The following TRIM22 variants were observed in gnomAD, a reference collection of about 807,000 sequenced individuals.
TRIM22 encodes tripartite motif containing 22, also known as E3 ubiquitin-protein ligase TRIM22.
TRIM22 carries 45 observed loss-of-function variants against 53.6 expected under a neutral mutation model. The observed-to-expected ratio is 0.84, with a 90% confidence interval of 0.66 to 1.08. TRIM22 has a LOEUF of 1.08. Ranked by LOEUF, TRIM22 falls within the 50% of genes least tolerant of loss-of-function variation. The probability of loss-of-function intolerance (pLI) is 0.00; values close to 1 mark genes in which losing one functional copy is unlikely to be tolerated. For synonymous variants in TRIM22, 225 were observed against 216.6 expected (o/e 1.04, Z -0.34); for missense variants, 616 against 590.9 (o/e 1.04, Z -0.44).
Position 5,699,394 on chromosome 11 carries a change from G to A in TRIM22, c.750+849G>A, listed in dbSNP as rs573454758. Among the ~76,000 whole-genome samples the A allele has an allele frequency of 8.4e-5, 12 of 143,470 alleles. 1 individual carries two copies. In the South Asian group the frequency reaches 2.4e-3, roughly 29 times the overall value. 94.1% of individuals were successfully genotyped at this position (143,470 alleles called of 152,430 possible). ...AAAAAATTAGCCGGGCGCGGTGGCGGGCGCCTGTAGTCCCAGCTACTCGGG... is the reference window on the plus strand; with the variant it reads ...AAAAAATTAGCCGGGCGCGGTGGCGAGCGCCTGTAGTCCCAGCTACTCGGG... On this transcript the variant is annotated intron_variant, in intron 4 of 7. Coordinates refer to ENST00000379965, the MANE Select transcript of TRIM22 (RefSeq NM_006074.5).
At chr11:5,700,847 C>T (rs984655378) in intron 4 of TRIM22, among the ~76,000 whole-genome samples, 5 of 151,870 alleles carry the variant, frequency 3.3e-5, no homozygotes, top group African/African-American at 1.2e-4. Context: ...TGGTTTTGAA[C>T]TCCTGACCTC....
chr11:5,708,338 G>A (rs1197089302), intron 6 of TRIM22, 65 bp downstream of exon 6: 29 of 1,488,858 alleles, frequency 1.9e-5, no homozygotes, highest in Middle Eastern at 1.7e-4. Flanking sequence ...ATAGGGAAGC[G>A]GGAGGTTTTT....
At chr11:5,701,708 C>T (rs1359566789) in intron 4 of TRIM22, among the ~76,000 whole-genome samples, 1 of 152,056 alleles carries the variant, frequency 6.6e-6, no homozygotes, top group Non-Finnish European at 1.5e-5. Flanking sequence ...AAGCTCAGAG[C>T]CCAAAATCAA....
intron 1 of TRIM22, among the ~76,000 whole-genome samples, chr11:5,693,757 A>T (rs1853214643): frequency 6.6e-6 from 1 of 151,782 alleles, no homozygotes; most frequent in Non-Finnish European, 1.5e-5. Context: ...TGAATAAATC[A>T]AGAAAAATAA....
At position 5,708,591 on chromosome 11, in the gene TRIM22, C is replaced by A; in HGVS notation, c.889C>A (p.Gln297Lys). 6.2e-7 allele frequency: 1 copy of A among 1,607,816 alleles called. No homozygotes were observed. Among genetic ancestry groups the A allele is most frequent in the Non-Finnish European group, 8.5e-7 (1 of 1,178,296 alleles). Residue 297 changes from glutamine to lysine, a missense_variant, in exon 7 of 8, where the codon CAG (glutamine) becomes AAG (lysine). Physicochemically the swap from Gln to Lys is moderately conservative, Grantham distance 53. Transcript: ENST00000379965. ...TGTCGTTTCAGAGCTGACAGATGTC[C>A]AGTACTACTGGGGTAAGATGATATG... ...LQVLKELTDV[Q>K]YYWVDVMLNP...
intron 1 of TRIM22, among the ~76,000 whole-genome samples, chr11:5,695,889 AGC>A (rs1425647562): frequency 6.6e-6 from 1 of 152,172 alleles, no homozygotes; most frequent in Non-Finnish European, 1.5e-5. Flanking sequence ...GGTTACACGA[AGC>A]TCTTGGTAGA....
At chr11:5,696,763 A>G in intron 2 of TRIM22, 108 bp downstream of exon 2, 6 of 1,204,700 alleles carry the variant, frequency 5.0e-6, no homozygotes, top group Non-Finnish European at 6.9e-6. Flanking sequence ...CATAGAACGG[A>G]GAGCCCTGTG....
rs758991053 is a variant in TRIM22 at position 5,709,135 on chromosome 11, C to T, written c.984C>T (p.Thr328=). The change falls in exon 8 of 8, where the codon ACC becomes ACT. Residue 328 remains threonine, a synonymous_variant. Coordinates refer to ENST00000379965, the MANE Select transcript of TRIM22 (RefSeq NM_006074.5). The part of the protein sequence containing the change: ...VDQRQVKTVR[T]CTFKNSNPCD... ...AGAGACAAGTGAAAACTGTACGCAC[C>T]TGCACATTTAAGAATTCAAATCCAT... The T allele has an allele frequency of 1.9e-6, 3 of 1,614,052 alleles. No homozygotes were observed. The East Asian group carries it at 6.7e-5, about 36-fold the overall frequency.
In TRIM22 at chr11:5,706,579, C is replaced by G. The variant is rs1380965253; in HGVS notation, c.751-15C>G. The G allele has an allele frequency of 2.5e-6, 4 of 1,611,750 alleles. No homozygotes were observed. The Admixed American group carries it at 6.7e-5, about 27-fold the overall frequency. On this transcript the variant is annotated splice_polypyrimidine_tract_variant and intron_variant, in intron 4 of 7. Coordinates refer to ENST00000379965, the MANE Select transcript of TRIM22 (RefSeq NM_006074.5). ...GCAACCCTATCTTGACTCATGTTTT[C>G]TATCTTTTCCCCAGGATGTGATTGA... is the stretch of plus-strand genomic sequence containing the variant.
intron 2 of TRIM22, 61 bp downstream of exon 2, chr11:5,696,716 C>T (rs1481644278): frequency 1.4e-5 from 21 of 1,521,356 alleles, no homozygotes; most frequent in Non-Finnish European, 1.8e-5. Flanking sequence ...AATGTGAAAT[C>T]TCCACTTTTT....
chr11:5,708,344 T>A, intron 6 of TRIM22, 71 bp downstream of exon 6: 9 of 1,409,848 alleles, frequency 6.4e-6, no homozygotes, highest in Non-Finnish European at 9.0e-6. Context: ...AAGCGGGAGG[T>A]TTTTTTAGGT....
In TRIM22 at chr11:5,696,661, C is replaced by T; in HGVS notation, c.423+6C>T. On this transcript the variant is annotated splice_donor_region_variant and intron_variant, in intron 2 of 7. Transcript: ENST00000379965. The stretch of plus-strand genomic sequence containing the variant: ...AGGTGGTCAAGGAATGTCAGGTAGG[C>T]TCCAAGATAGAGGAAGAGAGAGCAG... 1 of 1,602,084 alleles carries T rather than the reference C, an allele frequency of 6.2e-7. No individual in the cohort carries two copies. Among genetic ancestry groups the T allele is most frequent in the Non-Finnish European group, 8.5e-7 (1 of 1,176,688 alleles).
intron 5 of TRIM22, 60 bp downstream of exon 5, chr11:5,706,676 G>C: frequency 1.3e-6 from 2 of 1,494,326 alleles, no homozygotes; most frequent in East Asian, 2.3e-5. Context: ...AGTCCTGAGA[G>C]ATATCTTCCT....
In TRIM22 at chr11:5,706,573, T is replaced by C. The variant is rs757579671; in HGVS notation, c.751-21T>C. On this transcript the variant is annotated intron_variant, in intron 4 of 7. Transcript: ENST00000379965. Reference sequence around the variant, plus strand: ...AATCTGGCAACCCTATCTTGACTCATGTTTTCTATCTTTTCCCCAGGATGT... The same window carrying C: ...AATCTGGCAACCCTATCTTGACTCACGTTTTCTATCTTTTCCCCAGGATGT... 6 of 1,611,824 alleles carry C rather than the reference T, an allele frequency of 3.7e-6. No individual in the cohort carries two copies. In the African/African-American group the frequency reaches 6.7e-5, roughly 18 times the overall value.
chr11:5,701,823 G>A (rs1853376675), intron 4 of TRIM22, among the ~76,000 whole-genome samples: 2 of 152,050 alleles, frequency 1.3e-5, no homozygotes, highest in Non-Finnish European at 2.9e-5. Context: ...AGAACTGTGA[G>A]AGACTAAATC....
intron 1 of TRIM22, among the ~76,000 whole-genome samples, chr11:5,693,138 C>T (rs974301469): frequency 2.0e-5 from 3 of 150,344 alleles, no homozygotes; most frequent in Non-Finnish European, 3.0e-5. Context: ...CTGCCCGCCT[C>T]GGCCCCCCAA....
At chr11:5,708,978 C>A (rs185166203) in intron 7 of TRIM22, 75 bp from the exon 8 acceptor site, 3 of 1,184,174 alleles carry the variant, frequency 2.5e-6, no homozygotes, top group Non-Finnish European at 3.6e-6. Context: ...GTTTCATTTT[C>A]AATATGTCTC....
intron 4 of TRIM22, among the ~76,000 whole-genome samples, chr11:5,704,909 G>A (rs538344805): frequency 6.6e-6 from 1 of 152,198 alleles, no homozygotes; most frequent in Admixed American, 6.5e-5. Flanking sequence ...GCTGAGGAAT[G>A]TGCCATTTTT....
chr11:5,696,204 A>G lies in TRIM22; in HGVS notation c.-29A>G, dbSNP rs1270433710. ...TTGTGACCAAGAACTTCAAGAGTCA[A>G]GACAGAAGGAAGCCAAGGGAGCAGT... On this transcript the variant is annotated 5_prime_UTR_variant, in exon 2 of 8. Transcript: ENST00000379965. The G allele has an allele frequency of 2.5e-6, 4 of 1,575,094 alleles. No individual in the cohort carries two copies. Among genetic ancestry groups the G allele is most frequent in the Non-Finnish European group, 2.6e-6 (3 of 1,161,240 alleles).
Sources: gnomAD v4.1 joint callset for allele counts (sites outside exome capture counted in the v4.1 genomes callset) on GRCh38, gnomAD v4.1.1 for gene constraint, MANE v1.5 for transcripts, NCBI Gene and HGNC (gene_info 2026-07-23, HGNC 2026-07-21) for gene names.